CDH13: variants seen among roughly 807,000 people sequenced by gnomAD.
CDH13 encodes cadherin-13.
A neutral mutation model predicts 63.8 loss-of-function variants in CDH13; 24 were observed. The observed-to-expected ratio is 0.38, with a 90% CI of 0.27 to 0.53. CDH13 has a LOEUF of 0.53. CDH13 is among the 20% of genes least tolerant of loss of function. The pLI is 0.85. For synonymous variants in CDH13, 503 were observed against 355.3 expected, an observed-to-expected ratio of 1.42 and a Z score of -4.67; for missense variants, 1,049 against 903.1, an observed-to-expected ratio of 1.16 and a Z score of -2.07.
intron 4 of CDH13, among the ~76,000 whole-genome samples, chr16:83,165,508 G>A (rs775324461): frequency 5.3e-5 from 8 of 152,088 alleles, no homozygotes; most frequent in Non-Finnish European, 8.8e-5. Flanking sequence ...GGCTGCAGAG[G>A]AGGGTGCTAA....
intron 7 of CDH13, among the ~76,000 whole-genome samples, chr16:83,522,388 G>A (rs148981457): frequency 1.3e-5 from 2 of 152,306 alleles, no homozygotes; most frequent in Non-Finnish European, 2.9e-5. Context: ...AGTATATGAG[G>A]TAAGGCATAT....
chr16:82,991,349 A>G (rs1055656980), intron 2 of CDH13, among the ~76,000 whole-genome samples: 2 of 152,210 alleles, frequency 1.3e-5, no homozygotes, highest in Non-Finnish European at 2.9e-5. Flanking sequence ...ATATATCTTA[A>G]TATGCCTTCC....
intron 10 of CDH13, among the ~76,000 whole-genome samples, chr16:83,697,004 A>G (rs1206870029): frequency 6.6e-6 from 1 of 152,040 alleles, no homozygotes; most frequent in African/African-American, 2.4e-5. Context: ...CTCTCCTCCA[A>G]CCACACGGCC....
intron 1 of CDH13, among the ~76,000 whole-genome samples, chr16:82,796,781 C>T (rs900329138): frequency 1.1e-4 from 17 of 152,296 alleles, no homozygotes; most frequent in South Asian, 4.1e-4. Flanking sequence ...TATGGGAGAT[C>T]CCAGAGGAAG....
At chr16:82,733,765 A>C (rs1257718301) in intron 1 of CDH13, among the ~76,000 whole-genome samples, 1 of 152,246 alleles carries the variant, frequency 6.6e-6, no homozygotes, top group African/African-American at 2.4e-5. Context: ...GGAACTGCTT[A>C]AGATATGAAG....
intron 7 of CDH13, among the ~76,000 whole-genome samples, chr16:83,541,362 A>G (rs1225234747): frequency 6.6e-6 from 1 of 152,152 alleles, no homozygotes; most frequent in Non-Finnish European, 1.5e-5. Flanking sequence ...TGTTCATTGC[A>G]TGTCTTCAGT....
chr16:82,860,922 C>T (rs2039918791), intron 2 of CDH13, among the ~76,000 whole-genome samples: 1 of 152,122 alleles, frequency 6.6e-6, no homozygotes, highest in African/African-American at 2.4e-5. Context: ...TCTCACTCTC[C>T]CCTCTCTCTC....
chr16:83,033,428 A>G (rs985900538), intron 3 of CDH13, among the ~76,000 whole-genome samples: 2 of 152,002 alleles, frequency 1.3e-5, no homozygotes, highest in Non-Finnish European at 2.9e-5. Flanking sequence ...TTGTTTCCCA[A>G]TGACTTTTGG....
intron 3 of CDH13, among the ~76,000 whole-genome samples, chr16:83,070,613 C>T (rs1482208165): frequency 6.6e-6 from 1 of 152,004 alleles, no homozygotes; most frequent in Non-Finnish European, 1.5e-5. Context: ...CTAATATAAT[C>T]CAAGTTTTCT....
intron 4 of CDH13, among the ~76,000 whole-genome samples, chr16:83,176,019 G>GTTTTTT (rs201422569): frequency 5.5e-5 from 8 of 145,510 alleles, no homozygotes; most frequent in African/African-American, 2.1e-4. Flanking sequence ...TTTTGTTTTT[G>GTTTTTT]TTTTTTTTTC....
intron 6 of CDH13, among the ~76,000 whole-genome samples, chr16:83,413,381 A>G (rs183926363): frequency 1.1e-3 from 164 of 152,278 alleles, no homozygotes; most frequent in Non-Finnish European, 2.0e-3. Flanking sequence ...TTTTTCCCCA[A>G]TTATTATCAG....
intron 6 of CDH13, among the ~76,000 whole-genome samples, chr16:83,372,441 T>C (rs2091384945): frequency 6.6e-6 from 1 of 152,078 alleles, no homozygotes; most frequent in South Asian, 2.1e-4. Flanking sequence ...GAGTTTTTCA[T>C]GGGCCAGGTC....
chr16:82,694,257 G>C (rs1002281929), intron 1 of CDH13, among the ~76,000 whole-genome samples: 1 of 152,166 alleles, frequency 6.6e-6, no homozygotes, highest in Non-Finnish European at 1.5e-5. Flanking sequence ...GCAATAAAAA[G>C]TAATGTTTGA....
At chr16:83,361,785 T>C (rs1158315621) in intron 6 of CDH13, among the ~76,000 whole-genome samples, 1 of 152,156 alleles carries the variant, frequency 6.6e-6, no homozygotes, top group Non-Finnish European at 1.5e-5. Context: ...CATTAGTCTA[T>C]GTGTCTATTT....
intron 5 of CDH13, among the ~76,000 whole-genome samples, chr16:83,243,429 A>G (rs1361002902): frequency 1.3e-5 from 2 of 152,164 alleles, no homozygotes; most frequent in African/African-American, 2.4e-5. Flanking sequence ...AACTATCATG[A>G]GAACAGCACA....
At chr16:82,996,837 G>A (rs542819124) in intron 2 of CDH13, among the ~76,000 whole-genome samples, 1 of 151,442 alleles carries the variant, frequency 6.6e-6, no homozygotes, top group Non-Finnish European at 1.5e-5. Flanking sequence ...GATGGTGATG[G>A]TGGTGATAGT....
At chr16:82,831,885 C>T (rs532555793) in intron 1 of CDH13, among the ~76,000 whole-genome samples, 5 of 152,256 alleles carry the variant, frequency 3.3e-5, no homozygotes, top group Admixed American at 3.3e-4. Flanking sequence ...CTAGGTAAAC[C>T]CATGCTCACA....
At chr16:83,238,881 C>G (rs543550831) in intron 5 of CDH13, among the ~76,000 whole-genome samples, 14 of 152,288 alleles carry the variant, frequency 9.2e-5, no homozygotes, top group African/African-American at 3.4e-4. Context: ...TTCTTCTGTC[C>G]TGATGTTAGT....
chr16:83,338,005 C>T (rs1001905247), intron 5 of CDH13, among the ~76,000 whole-genome samples: 3 of 151,988 alleles, frequency 2.0e-5, no homozygotes, highest in African/African-American at 7.3e-5. Flanking sequence ...GTGAGTGTTA[C>T]AGTCGGACCT....
Sources: gnomAD v4.1 joint callset for allele counts (sites outside exome capture counted in the v4.1 genomes callset) on GRCh38, gnomAD v4.1.1 for gene constraint, MANE v1.5 for transcripts, NCBI Gene and HGNC (gene_info 2026-07-23, HGNC 2026-07-21) for gene names.